The following DOK6 variants were observed in gnomAD, a reference collection of about 807,000 sequenced individuals.
DOK6 encodes the protein docking protein 6.
DOK6 carries 22 observed loss-of-function variants against 44.0 expected under a neutral mutation model. That is an observed-to-expected ratio of 0.50 (90% confidence interval 0.36 to 0.71). The LOEUF (loss-of-function observed/expected upper bound fraction) is 0.71. Ranked by LOEUF, DOK6 falls within the 30% of genes least tolerant of loss-of-function variation. The probability of loss-of-function intolerance (pLI) is 0.00; values close to 1 mark genes in which losing one functional copy is unlikely to be tolerated. For missense variants in DOK6, 340 were observed against 416.4 expected, an observed-to-expected ratio of 0.82 and a Z score of 1.60; for synonymous variants, 166 against 145.5, an observed-to-expected ratio of 1.14 and a Z score of -1.01.
chr18:69,781,045 G>T (rs980298143), intron 7 of DOK6, among the ~76,000 whole-genome samples: 6 of 152,068 alleles, frequency 3.9e-5, no homozygotes, highest in African/African-American at 1.4e-4. Context: ...CTGTGTCTTT[G>T]CAATCCCCAC....
chr18:69,624,845 T>C (rs1255584646), intron 3 of DOK6, among the ~76,000 whole-genome samples: 2 of 152,144 alleles, frequency 1.3e-5, no homozygotes, highest in African/African-American at 4.8e-5. Context: ...TACTTTACGC[T>C]GCAGGAGTTA....
chr18:69,666,219 T>C (rs1196183462), intron 3 of DOK6, among the ~76,000 whole-genome samples: 1 of 152,200 alleles, frequency 6.6e-6, no homozygotes, highest in Non-Finnish European at 1.5e-5. Flanking sequence ...AGTTTGTTAA[T>C]ATTCTATCTT....
intron 3 of DOK6, among the ~76,000 whole-genome samples, chr18:69,621,724 G>A (rs1049789497): frequency 1.3e-5 from 2 of 152,128 alleles, no homozygotes; most frequent in Non-Finnish European, 2.9e-5. Context: ...GCATTTCAAT[G>A]GGACTTTATG....
chr18:69,735,674 G>A (rs918621051), intron 5 of DOK6, among the ~76,000 whole-genome samples: 1 of 152,178 alleles, frequency 6.6e-6, no homozygotes, highest in Non-Finnish European at 1.5e-5. Context: ...AGCTATTCAG[G>A]CTCCAGGCTG....
At chr18:69,636,023 G>A (rs1027087270) in intron 3 of DOK6, among the ~76,000 whole-genome samples, 9 of 152,202 alleles carry the variant, frequency 5.9e-5, no homozygotes, top group Non-Finnish European at 1.2e-4. Flanking sequence ...GATGTCTGCG[G>A]TATGGAAGAA....
At chr18:69,838,652 T>C (rs1030902883) in intron 7 of DOK6, among the ~76,000 whole-genome samples, 2 of 151,984 alleles carry the variant, frequency 1.3e-5, no homozygotes, top group Non-Finnish European at 2.9e-5. Context: ...ATGAAGTAAT[T>C]CCCTTAAGAT....
intron 1 of DOK6, among the ~76,000 whole-genome samples, chr18:69,403,088 C>T (rs1327059224): frequency 6.6e-6 from 1 of 152,090 alleles, no homozygotes; most frequent in African/African-American, 2.4e-5. Flanking sequence ...TTCTTGAAAT[C>T]GCAATTGTAT....
chr18:69,564,437 G>T, intron 1 of DOK6, 50 bp from the exon 2 acceptor site: 1 of 1,539,112 alleles, frequency 6.5e-7, no homozygotes, highest in Non-Finnish European at 8.9e-7. Context: ...TCCTAATGTC[G>T]TAAACTCATG....
At chr18:69,667,407 C>T (rs1166818511) in intron 3 of DOK6, among the ~76,000 whole-genome samples, 5 of 152,156 alleles carry the variant, frequency 3.3e-5, no homozygotes, top group Admixed American at 3.3e-4. Flanking sequence ...TCTCTTGCAC[C>T]TATTCAAGCT....
chr18:69,511,523 G>A (rs1981364447), intron 1 of DOK6, among the ~76,000 whole-genome samples: 2 of 152,290 alleles, frequency 1.3e-5, no homozygotes, highest in East Asian at 3.9e-4. Context: ...TATTAAAGGA[G>A]ATGAAGCCTG....
intron 3 of DOK6, among the ~76,000 whole-genome samples, chr18:69,631,225 A>G (rs1425483178): frequency 1.3e-5 from 2 of 152,208 alleles, no homozygotes; most frequent in Non-Finnish European, 2.9e-5. Context: ...CATATTTGCT[A>G]ATTGTCTCTT....
chr18:69,662,837 T>C (rs1422426358), intron 3 of DOK6: 1 of 152,230 alleles, frequency 6.6e-6, no homozygotes, highest in Non-Finnish European at 1.5e-5. Context: ...TTAAACTTGT[T>C]TCCTTCATAG....
intron 1 of DOK6, among the ~76,000 whole-genome samples, chr18:69,533,813 G>A (rs1265639299): frequency 1.3e-5 from 2 of 151,902 alleles, no homozygotes; most frequent in Middle Eastern, 3.2e-3. Context: ...TGATAGAATT[G>A]TTACATTGGA....
At chr18:69,514,549 CAT>C (rs3044892) in intron 1 of DOK6, among the ~76,000 whole-genome samples, 5,127 of 151,922 alleles carry the variant, frequency 0.034, 269 homozygotes, top group African/African-American at 0.11. Context: ...AAATGAAAAA[CAT>C]AGAGTACATA....
At chr18:69,610,195 A>G (rs544649936) in intron 3 of DOK6, among the ~76,000 whole-genome samples, 1 of 152,286 alleles carries the variant, frequency 6.6e-6, no homozygotes, top group East Asian at 1.9e-4. Flanking sequence ...AAGAAAGGGG[A>G]AAAATGAGTT....
chr18:69,789,967 C>A (rs1473055160), intron 7 of DOK6, among the ~76,000 whole-genome samples: 2 of 152,104 alleles, frequency 1.3e-5, no homozygotes, highest in African/African-American at 4.8e-5. Context: ...TCCCCTATGA[C>A]TTCACATGCA....
chr18:69,726,130 A>G (rs186045065), intron 5 of DOK6, among the ~76,000 whole-genome samples: 1 of 152,346 alleles, frequency 6.6e-6, no homozygotes, highest in East Asian at 1.9e-4. Context: ...ATATTCCATG[A>G]GGATGAGACT....
intron 4 of DOK6, among the ~76,000 whole-genome samples, chr18:69,691,013 T>C (rs1448216688): frequency 1.3e-5 from 2 of 152,036 alleles, no homozygotes; most frequent in East Asian, 3.9e-4. Context: ...AAACTCACCC[T>C]GTCTCTACTA....
intron 5 of DOK6, among the ~76,000 whole-genome samples, chr18:69,720,767 G>A (rs1986988559): frequency 6.6e-6 from 1 of 152,124 alleles, no homozygotes; most frequent in African/African-American, 2.4e-5. Flanking sequence ...CACAGTGCCA[G>A]ATAGACAAGT....
Sources: gnomAD v4.1 joint callset for allele counts (sites outside exome capture counted in the v4.1 genomes callset) on GRCh38, gnomAD v4.1.1 for gene constraint, MANE v1.5 for transcripts, NCBI Gene and HGNC (gene_info 2026-07-23, HGNC 2026-07-21) for gene names.